The following DARS1 variants were observed in gnomAD, a reference collection of about 807,000 sequenced individuals.
The protein encoded by DARS1 is aspartyl-tRNA synthetase 1.
In DARS1, 51 loss-of-function variants were observed where a neutral mutation model predicts 68.8. The ratio of observed to expected loss-of-function variants is 0.74; its 90% CI spans 0.59 to 0.94. The LOEUF (loss-of-function observed/expected upper bound fraction) is 0.94. DARS1 is among the 40% of genes least tolerant of loss of function. The probability of loss-of-function intolerance (pLI) is 0.00; values close to 1 mark genes in which losing one functional copy is unlikely to be tolerated. For missense variants in DARS1, 607 were observed against 597.3 expected, an observed-to-expected ratio of 1.02 and a Z score of -0.17; for synonymous variants, 203 against 190.4, an observed-to-expected ratio of 1.07 and a Z score of -0.55.
intron 5 of DARS1, among the ~76,000 whole-genome samples, chr2:135,937,245 C>G (rs989236605): frequency 6.6e-6 from 1 of 152,000 alleles, no homozygotes; most frequent in Non-Finnish European, 1.5e-5. Flanking sequence ...CCTGCCACCA[C>G]GCCTGGCTAA....
intron 3 of DARS1, among the ~76,000 whole-genome samples, chr2:135,970,062 C>A (rs759869207): frequency 2.6e-5 from 4 of 152,012 alleles, no homozygotes; most frequent in East Asian, 1.9e-4. Context: ...CATTTGAGAA[C>A]CATACTTGGG....
At chr2:135,954,832 C>G (rs142483671) in intron 4 of DARS1, among the ~76,000 whole-genome samples, 1 of 152,006 alleles carries the variant, frequency 6.6e-6, no homozygotes, top group East Asian at 1.9e-4. Context: ...CATCATTATT[C>G]ACATAATCTA....
intron 7 of DARS1, among the ~76,000 whole-genome samples, chr2:135,932,001 G>A (rs1681363486): frequency 6.6e-6 from 1 of 152,068 alleles, no homozygotes; most frequent in East Asian, 1.9e-4. Flanking sequence ...AGGTTTCTAG[G>A]TAGTATCAAG....
At chr2:135,976,585 A>ATT (rs1682503740) in intron 3 of DARS1, among the ~76,000 whole-genome samples, 2 of 152,138 alleles carry the variant, frequency 1.3e-5, no homozygotes, top group Non-Finnish European at 2.9e-5. Context: ...CTATCAATTA[A>ATT]GAGACTAAAA....
chr2:135,917,869 A>C (rs1467956486), intron 10 of DARS1, among the ~76,000 whole-genome samples: 2 of 152,156 alleles, frequency 1.3e-5, no homozygotes, highest in Non-Finnish European at 2.9e-5. Context: ...TTGATTTATT[A>C]AAATCTTGAT....
Position 135,923,346 on chromosome 2 carries a change from G to A in DARS1, c.677-428C>T, listed in dbSNP as rs189896760. ...GCTCTGTCACCCAGGCTAGAATGCC[G>A]TGGCACGATCTCGGCTCACTGCAAC... On this transcript the variant is annotated intron_variant, in intron 8 of 15. Transcript: ENST00000264161. 2.1e-4 allele frequency among the ~76,000 whole-genome samples: 32 copies of A among 152,032 alleles called. No homozygotes were observed. In the East Asian group the frequency reaches 3.1e-3, roughly 15 times the overall value.
intron 4 of DARS1, among the ~76,000 whole-genome samples, chr2:135,958,145 A>G (rs16832326): frequency 0.023 from 3,500 of 152,292 alleles, 105 homozygotes; most frequent in African/African-American, 0.068. Context: ...AAGAATGACA[A>G]TTTAAATAAA....
Position 135,916,309 on chromosome 2 carries a change from C to T in DARS1, c.1023G>A (p.Glu341=). The T allele has an allele frequency of 3.2e-6, 5 of 1,539,446 alleles. No individual in the cohort carries two copies. The highest frequency in any genetic ancestry group is 1.7e-5 in the Admixed American group (1 of 59,938). ...QFPCEPFKFL[E]PTLRLEYCEA... is the part of the protein sequence containing the mutation. ...CACAATATTCTAGTCTTAGAGTTGG[C>T]TCCAAAAATTTGAATGGCTCACATG... Residue 341 remains glutamate (E), a synonymous_variant, in exon 11 of 16, where the codon GAG becomes GAA. Transcript: ENST00000264161.
intron 13 of DARS1, 59 bp from the exon 14 acceptor site, chr2:135,911,552 T>C: frequency 1.3e-6 from 1 of 750,556 alleles, no homozygotes; most frequent in Non-Finnish European, 2.3e-6. Flanking sequence ...ATTACATATA[T>C]ACGGAAAAAA....
In DARS1 at chr2:135,943,434, C is replaced by G; in HGVS notation, c.367G>C (p.Val123Leu). 1 of 1,613,700 alleles carries G rather than the reference C, an allele frequency of 6.2e-7. No homozygotes were observed. Among genetic ancestry groups the G allele is most frequent in the Non-Finnish European group, 8.5e-7 (1 of 1,179,826 alleles). Residue 123 changes from valine (V) to leucine (L), a missense_variant, in exon 5 of 16, where the codon GTG becomes CTG. Physicochemically the swap from Val to Leu is conservative, Grantham distance 32. Transcript: ENST00000264161. Reference sequence around the variant, plus strand: ...GTACAGCTTCCAATTTTCTGATTCACTTTTCTCACAACACCTTCTACATCC... The same window carrying G: ...GTACAGCTTCCAATTTTCTGATTCAGTTTTCTCACAACACCTTCTACATCC... ...IVDVEGVVRK[V>L]NQKIGSCTQQ...
intron 3 of DARS1, among the ~76,000 whole-genome samples, chr2:135,970,628 TGAAATA>T (rs1199486414): frequency 6.6e-6 from 1 of 151,874 alleles, no homozygotes; most frequent in Non-Finnish European, 1.5e-5. Context: ...TAAATGAATT[TGAAATA>T]AAGGAAACAA....
intron 5 of DARS1, among the ~76,000 whole-genome samples, chr2:135,942,837 C>T (rs1355230292): frequency 2.0e-5 from 3 of 152,136 alleles, no homozygotes; most frequent in African/African-American, 7.2e-5. Flanking sequence ...TGCAATACTT[C>T]CTCTTGCTCC....
chr2:135,910,696 T>A (rs528340213), intron 15 of DARS1, among the ~76,000 whole-genome samples: 20 of 152,292 alleles, frequency 1.3e-4, no homozygotes, highest in South Asian at 6.2e-4. Flanking sequence ...ATTCAAAAAA[T>A]TTTTTAAGAG....
chr2:135,920,656 T>C (rs1681094849), intron 9 of DARS1, 56 bp from the exon 10 acceptor site: 18 of 1,511,838 alleles, frequency 1.2e-5, no homozygotes, highest in South Asian at 4.0e-5. Context: ...TTTGGATAAA[T>C]AGGGATTTAA....
At chr2:135,934,790 C>CT (rs1055761571) in intron 5 of DARS1, among the ~76,000 whole-genome samples, 3 of 150,742 alleles carry the variant, frequency 2.0e-5, no homozygotes, top group Non-Finnish European at 4.4e-5. Flanking sequence ...ATATGACTTG[C>CT]TATCATTTTT....
In DARS1 at chr2:135,942,402, G is replaced by C. The variant is rs570369543; in HGVS notation, c.423+976C>G. 2.6e-5 allele frequency among the ~76,000 whole-genome samples: 4 copies of C among 151,386 alleles called. No homozygotes were observed. The South Asian group carries it at 8.4e-4, about 32-fold the overall frequency. On this transcript the variant is annotated intron_variant, in intron 5 of 15. Coordinates refer to ENST00000264161, the MANE Select transcript of DARS1 (RefSeq NM_001349.4). ...CATCATTCTCAGCAAACTATCACAA[G>C]GGCAGAAAACCAAACACCGCATGTT...
In DARS1 at chr2:135,955,291, G is replaced by A. The variant is rs563557256; in HGVS notation, c.320+6105C>T. On this transcript the variant is annotated intron_variant, in intron 4 of 15. Transcript: ENST00000264161. ...ACTATTAAAGATTTTCAGCAAAACC[G>A]ATACATTTTTTAGCTTTCTGGTTGT... Among the ~76,000 whole-genome samples, 6 of 152,080 alleles carry A rather than the reference G, an allele frequency of 3.9e-5. No individual in the cohort carries two copies. In the East Asian group the frequency reaches 5.8e-4, roughly 15 times the overall value.
At chr2:135,961,144 CTACTT>C (rs1682091375) in intron 4 of DARS1, among the ~76,000 whole-genome samples, 1 of 152,182 alleles carries the variant, frequency 6.6e-6, no homozygotes, top group Non-Finnish European at 1.5e-5. Context: ...TTTTGTTACT[CTACTT>C]GAAAGTAAAT....
chr2:135,976,806 A>C (rs1682511281), intron 3 of DARS1, among the ~76,000 whole-genome samples: 1 of 151,096 alleles, frequency 6.6e-6, no homozygotes, highest in African/African-American at 2.4e-5. Context: ...AAAAAAATCC[A>C]AAATCCAAAA....
Sources: allele counts gnomAD v4.1 joint callset (sites outside exome capture counted in the v4.1 genomes callset), GRCh38; gene constraint gnomAD v4.1.1; transcripts MANE v1.5; gene names NCBI Gene and HGNC (gene_info 2026-07-23, HGNC 2026-07-21).